KIF1B: variants seen among roughly 807,000 people sequenced by gnomAD.
KIF1B encodes the protein kinesin-like protein KIF1B.
KIF1B carries 76 observed loss-of-function variants against 241.9 expected under a neutral mutation model. The ratio of observed to expected loss-of-function variants is 0.31; its 90% CI spans 0.26 to 0.38. The LOEUF (loss-of-function observed/expected upper bound fraction) is 0.38. Ranked by LOEUF, KIF1B falls within the 10% of genes least tolerant of loss-of-function variation. KIF1B has a pLI of 1.00. For missense variants in KIF1B, 1,622 were observed against 2,271.4 expected (o/e 0.71, Z 5.81); for synonymous variants, 750 against 796.7 (o/e 0.94, Z 0.99).
chr1:10,262,792 T>C (rs1298582134), intron 5 of KIF1B, among the ~76,000 whole-genome samples: 1 of 152,200 alleles, frequency 6.6e-6, no homozygotes, highest in Non-Finnish European at 1.5e-5. Context: ...GGAACTCTTC[T>C]CCTTTAATAT....
intron 40 of KIF1B, among the ~76,000 whole-genome samples, chr1:10,362,423 C>T (rs980889239): frequency 1.3e-5 from 2 of 150,796 alleles, no homozygotes; most frequent in African/African-American, 4.9e-5. Context: ...TTGCAGTGAG[C>T]CATGATAGAG....
chr1:10,261,322 A>T (rs1413132848), intron 4 of KIF1B, among the ~76,000 whole-genome samples: 1 of 137,072 alleles, frequency 7.3e-6, no homozygotes, highest in African/African-American at 2.8e-5. Context: ...CCAGGCTGGA[A>T]TGCAGTGGCA....
At chr1:10,291,709 CAAAAA>C (rs34360352) in intron 16 of KIF1B, among the ~76,000 whole-genome samples, 1 of 120,234 alleles carries the variant, frequency 8.3e-6, no homozygotes. Context: ...GACTCTGTCT[CAAAAA>C]AAAAAAAAAG....
At chr1:10,371,577 A>G (rs774133306) in intron 45 of KIF1B, among the ~76,000 whole-genome samples, 2 of 152,176 alleles carry the variant, frequency 1.3e-5, no homozygotes, top group Non-Finnish European at 2.9e-5. Flanking sequence ...AGGAAGTGCT[A>G]TCTTGGGAAA....
At chr1:10,242,543 GT>G (rs1420862390) in intron 2 of KIF1B, among the ~76,000 whole-genome samples, 1 of 152,080 alleles carries the variant, frequency 6.6e-6, no homozygotes, top group African/African-American at 2.4e-5. Context: ...TTTAGACGGA[GT>G]CTTGCCCTGT....
chr1:10,323,509 G>A (rs911506521), intron 24 of KIF1B, among the ~76,000 whole-genome samples: 5 of 152,034 alleles, frequency 3.3e-5, no homozygotes, highest in African/African-American at 9.7e-5. Flanking sequence ...GTAGTCCCAG[G>A]TACTCAGGAG....
Position 10,346,799 on chromosome 1 carries a change from AC to A in KIF1B, c.3797+848del, listed in dbSNP as rs1046097349. 9.2e-5 allele frequency among the ~76,000 whole-genome samples: 14 copies of A among 152,316 alleles called. No individual in the cohort carries two copies. The South Asian group carries it at 1.0e-3, about 11-fold the overall frequency. On this transcript the variant is annotated intron_variant, in intron 35 of 48. Coordinates refer to ENST00000676179, the MANE Select transcript of KIF1B (RefSeq NM_001365951.3). The stretch of plus-strand genomic sequence containing the variant: ...ATAGAAGGGCAGAATATTTTCCTAG[AC>A]CAGGGTTTCTCAACCTCAGCACTAT...
Position 10,303,860 on chromosome 1 carries a change from A to G in KIF1B, c.2115+6614A>G. On this transcript the variant is annotated intron_variant, in intron 22 of 48. Transcript: ENST00000676179. This position sits in a 1 kb window ranked among gnomAD's most constrained non-coding sequence, Gnocchi z 5.2. ...AGCACCTCTGAGAATAATGTAAGTA[A>G]AGGAGACAATGGAGAACTTGCAAAA... is the stretch of plus-strand genomic sequence containing the variant. The G allele has an allele frequency of 1.2e-6, 2 of 1,614,220 alleles. No homozygotes were observed. Among genetic ancestry groups the G allele is most frequent in the South Asian group, 2.2e-5 (2 of 91,086 alleles).
intron 7 of KIF1B, among the ~76,000 whole-genome samples, 184 bp from the exon 8 acceptor site, chr1:10,271,318 G>T (rs545737818): frequency 6.6e-6 from 1 of 152,272 alleles, no homozygotes; most frequent in East Asian, 1.9e-4. Context: ...CATTGCACCT[G>T]CCGTGTGTAC....
At chr1:10,216,605 C>T (rs962066549) in intron 1 of KIF1B, among the ~76,000 whole-genome samples, 3 of 152,054 alleles carry the variant, frequency 2.0e-5, no homozygotes, top group South Asian at 2.1e-4. Flanking sequence ...ATGTGTAGTC[C>T]GAGGTCTCCC....
chr1:10,333,556 G>A (rs35388505), intron 27 of KIF1B, among the ~76,000 whole-genome samples: 49,749 of 151,546 alleles, frequency 0.33, 8,287 homozygotes, highest in Middle Eastern at 0.38. Flanking sequence ...GCTGGGCATG[G>A]TGGCGGGCGC....
At chr1:10,339,356 A>G (rs1206133486) in intron 31 of KIF1B, among the ~76,000 whole-genome samples, 1 of 152,214 alleles carries the variant, frequency 6.6e-6, no homozygotes, top group Non-Finnish European at 1.5e-5. Context: ...TGAATCCACA[A>G]CAGACTCTTA....
At chr1:10,332,184 C>T (rs1436121992) in intron 27 of KIF1B, among the ~76,000 whole-genome samples, 1 of 151,588 alleles carries the variant, frequency 6.6e-6, no homozygotes, top group African/African-American at 2.4e-5. Context: ...CCTGCCTCGG[C>T]GCCCCCGAGT....
intron 24 of KIF1B, among the ~76,000 whole-genome samples, chr1:10,323,108 C>T (rs115562314): frequency 0.017 from 2,597 of 152,112 alleles, 65 homozygotes; most frequent in African/African-American, 0.058. Context: ...GTGATCCTTC[C>T]GCCTCGGCCT....
chr1:10,324,150 T>C (rs562690102), intron 25 of KIF1B, 88 bp downstream of exon 25: 10 of 1,250,020 alleles, frequency 8.0e-6, no homozygotes, highest in Non-Finnish European at 1.2e-5. Flanking sequence ...CTCCTCTCTC[T>C]GAGGACACTG....
rs1457281122 is a variant in KIF1B at position 10,351,712 on chromosome 1, T to C, written c.3950-919T>C. Among the ~76,000 whole-genome samples the C allele has an allele frequency of 2.0e-5, 3 of 152,280 alleles. No homozygotes were observed. The East Asian group carries it at 5.8e-4, about 29-fold the overall frequency. ...CAGGTATGGTGGCTCATGCCTGTAATCCCAGCACTTTGGGAGGCCAAGGCA... is the reference window on the plus strand; with the variant it reads ...CAGGTATGGTGGCTCATGCCTGTAACCCCAGCACTTTGGGAGGCCAAGGCA... On this transcript the variant is annotated intron_variant, in intron 37 of 48. Coordinates refer to ENST00000676179, the MANE Select transcript of KIF1B (RefSeq NM_001365951.3).
At chr1:10,302,026 A>G (rs1650566647) in intron 22 of KIF1B, among the ~76,000 whole-genome samples, 2 of 152,234 alleles carry the variant, frequency 1.3e-5, no homozygotes, top group African/African-American at 4.8e-5. Context: ...TTATGTAACC[A>G]GAGTATGATC....
chr1:10,346,611 C>T (rs1227234634), intron 35 of KIF1B, among the ~76,000 whole-genome samples: 5 of 152,012 alleles, frequency 3.3e-5, no homozygotes, highest in East Asian at 1.9e-4. Flanking sequence ...GTGATCCACC[C>T]GCCTCAGCCT....
intron 47 of KIF1B, 34 bp from the exon 48 acceptor site, chr1:10,375,221 G>T (rs1638849253): frequency 1.3e-6 from 2 of 1,578,168 alleles, no homozygotes; most frequent in Non-Finnish European, 1.7e-6. Context: ...TGTCTCTGTA[G>T]TAACTTTCTT....
Sources: allele counts gnomAD v4.1 joint callset (sites outside exome capture counted in the v4.1 genomes callset), GRCh38; gene constraint gnomAD v4.1.1; non-coding constraint Gnocchi (gnomAD v3.1); transcripts MANE v1.5; gene names NCBI Gene and HGNC (gene_info 2026-07-23, HGNC 2026-07-21).